GRK5: variants seen among roughly 807,000 people sequenced by gnomAD.
GRK5 encodes the protein g protein-coupled receptor kinase GRK5.
GRK5 carries 40 observed loss-of-function variants against 78.4 expected under a neutral mutation model. That is an observed-to-expected ratio of 0.51 (90% CI 0.40 to 0.66). The LOEUF (loss-of-function observed/expected upper bound fraction) is 0.66, where lower values mean the gene tolerates loss of function less well. GRK5 is among the 30% of genes least tolerant of loss of function. GRK5 has a pLI of 0.00. For synonymous variants in GRK5, 289 were observed against 296.8 expected (o/e 0.97, Z 0.27); for missense variants, 598 against 759.9 (o/e 0.79, Z 2.50).
At chr10:119,299,204 A>G (rs1850132559) in intron 1 of GRK5, among the ~76,000 whole-genome samples, 1 of 152,196 alleles carries the variant, frequency 6.6e-6, no homozygotes, top group South Asian at 2.1e-4. Flanking sequence ...GCACTTTGGG[A>G]GGCCAAGGCG....
At chr10:119,310,795 C>T (rs555480633) in intron 1 of GRK5, among the ~76,000 whole-genome samples, 3 of 152,264 alleles carry the variant, frequency 2.0e-5, no homozygotes, top group South Asian at 4.2e-4. Context: ...AGCACATTTT[C>T]GAATCGACCC....
At position 119,377,021 on chromosome 10, in the gene GRK5, G is replaced by A. The variant is rs141803640; in HGVS notation, c.149-3794G>A. On this transcript the variant is annotated intron_variant, in intron 2 of 15. Transcript: ENST00000392870. ...GCGTGCGTGTGTGTGGACAGTGTGT[G>A]TGTGCCTGTGTGTACAGCATCCCAG... Among the ~76,000 whole-genome samples, 853 of 152,296 alleles carry A rather than the reference G, an allele frequency of 5.6e-3. 5 individuals are homozygous for A. The highest frequency in any genetic ancestry group is 0.014 in the Middle Eastern group (4 of 294).
intron 1 of GRK5, among the ~76,000 whole-genome samples, chr10:119,218,494 A>G (rs1848611036): frequency 6.6e-6 from 1 of 152,236 alleles, no homozygotes; most frequent in Non-Finnish European, 1.5e-5. Flanking sequence ...GAGAAGGTCG[A>G]CAAATGTCCC....
At chr10:119,293,601 GTATCAGGCAAA>G (rs1850022990) in intron 1 of GRK5, among the ~76,000 whole-genome samples, 1 of 152,218 alleles carries the variant, frequency 6.6e-6, no homozygotes. Flanking sequence ...CAGGTACCAA[GTATCAGGCAAA>G]TTGGCTTCTT....
intron 2 of GRK5, among the ~76,000 whole-genome samples, chr10:119,365,699 A>G (rs1851437075): frequency 1.3e-5 from 2 of 152,182 alleles, no homozygotes; most frequent in Admixed American, 1.3e-4. Context: ...CACCAGGAAG[A>G]TGAGGCCATC....
At chr10:119,231,038 TA>T (rs1430548181) in intron 1 of GRK5, among the ~76,000 whole-genome samples, 13 of 151,892 alleles carry the variant, frequency 8.6e-5, no homozygotes, top group Non-Finnish European at 1.5e-4. Context: ...AGACTAAATC[TA>T]TAGCACTTGG....
intron 4 of GRK5, among the ~76,000 whole-genome samples, chr10:119,417,224 C>T (rs764088698): frequency 5.9e-5 from 9 of 152,198 alleles, no homozygotes; most frequent in South Asian, 2.1e-4. Context: ...GTGATCCACA[C>T]GTGCTTCCCG....
At chr10:119,275,357 G>A (rs1038638515) in intron 1 of GRK5, among the ~76,000 whole-genome samples, 2 of 152,092 alleles carry the variant, frequency 1.3e-5, no homozygotes, top group African/African-American at 2.4e-5. Flanking sequence ...CTTTGACCTC[G>A]GTCAGGCTTG....
At chr10:119,411,050 A>G (rs1852328564) in intron 4 of GRK5, among the ~76,000 whole-genome samples, 1 of 151,722 alleles carries the variant, frequency 6.6e-6, no homozygotes, top group Non-Finnish European at 1.5e-5. Context: ...GGGAACCCGT[A>G]TGGCTGATGG....
At chr10:119,329,333 C>T (rs1850729021) in intron 2 of GRK5, among the ~76,000 whole-genome samples, 1 of 152,142 alleles carries the variant, frequency 6.6e-6, no homozygotes, top group Non-Finnish European at 1.5e-5. Context: ...GTCAAAAACC[C>T]TGGACATTAT....
At chr10:119,220,408 T>A (rs1848638921) in intron 1 of GRK5, among the ~76,000 whole-genome samples, 1 of 152,222 alleles carries the variant, frequency 6.6e-6, no homozygotes, top group Non-Finnish European at 1.5e-5. Context: ...CCCGATTTCC[T>A]TGGTTGGTTC....
chr10:119,347,723 G>T (rs748318471), intron 2 of GRK5, among the ~76,000 whole-genome samples: 7 of 152,260 alleles, frequency 4.6e-5, no homozygotes, highest in Admixed American at 4.6e-4. Context: ...CCCGGCCCCC[G>T]CACATCGTGC....
At chr10:119,343,185 C>T (rs1008408432) in intron 2 of GRK5, among the ~76,000 whole-genome samples, 6 of 152,144 alleles carry the variant, frequency 3.9e-5, no homozygotes, top group Non-Finnish European at 8.8e-5. Context: ...GGTCCATCTT[C>T]AGTACTAAGA....
chr10:119,333,659 C>A, intron 2 of GRK5: 1 of 439,612 alleles, frequency 2.3e-6, no homozygotes, highest in Non-Finnish European at 4.6e-6. Flanking sequence ...CTTAGGTGCT[C>A]AAAGGGGTGG....
At chr10:119,422,482 T>C (rs941870947) in intron 4 of GRK5, among the ~76,000 whole-genome samples, 2 of 152,228 alleles carry the variant, frequency 1.3e-5, no homozygotes, top group East Asian at 3.8e-4. Context: ...GGCTGAGCAG[T>C]TAAGACCAAG....
chr10:119,384,385 T>C (rs1044846586), intron 3 of GRK5, among the ~76,000 whole-genome samples: 4 of 152,196 alleles, frequency 2.6e-5, no homozygotes, highest in Non-Finnish European at 5.9e-5. Context: ...AGAGATAGGA[T>C]GCCAAGACAA....
chr10:119,308,607 C>T (rs1177556905), intron 1 of GRK5, among the ~76,000 whole-genome samples: 4 of 152,236 alleles, frequency 2.6e-5, no homozygotes, highest in African/African-American at 7.2e-5. Flanking sequence ...TTCCCGGTGA[C>T]GTTGGGCCGG....
intron 2 of GRK5, among the ~76,000 whole-genome samples, chr10:119,376,250 C>G (rs1009358135): frequency 6.6e-6 from 1 of 152,172 alleles, no homozygotes; most frequent in Non-Finnish European, 1.5e-5. Flanking sequence ...CTTCCTCTTC[C>G]AAATGTCACA....
At chr10:119,418,335 C>G (rs1852504652) in intron 4 of GRK5, among the ~76,000 whole-genome samples, 1 of 152,194 alleles carries the variant, frequency 6.6e-6, no homozygotes, top group African/African-American at 2.4e-5. Context: ...AGTCCTTCAC[C>G]AAAGAAGTGG....
Sources: gnomAD v4.1 joint callset for allele counts (sites outside exome capture counted in the v4.1 genomes callset) on GRCh38, gnomAD v4.1.1 for gene constraint, MANE v1.5 for transcripts, NCBI Gene and HGNC (gene_info 2026-07-23, HGNC 2026-07-21) for gene names.